The following CATSPERE variants were observed in gnomAD, a reference collection of about 807,000 sequenced individuals.
CATSPERE encodes catsper channel auxiliary subunit epsilon, also known as cation channel sperm-associated auxiliary subunit epsilon.
CATSPERE carries 93 observed loss-of-function variants against 114.1 expected under a neutral mutation model. The observed-to-expected ratio is 0.81, with a 90% CI of 0.69 to 0.97. CATSPERE has a LOEUF of 0.97. CATSPERE is among the 50% of genes least tolerant of loss of function. CATSPERE has a pLI of 0.00. For missense variants in CATSPERE, 1,058 were observed against 1,131.6 expected (o/e 0.93, Z 0.93); for synonymous variants, 341 against 384.1 (o/e 0.89, Z 1.31).
intron 10 of CATSPERE, among the ~76,000 whole-genome samples, chr1:244,563,259 T>A (rs1337279180): frequency 1.3e-5 from 2 of 152,250 alleles, no homozygotes; most frequent in Non-Finnish European, 2.9e-5. Flanking sequence ...GAATAATTTA[T>A]AATACTTTGG....
chr1:244,540,851 G>T (rs61844677), intron 8 of CATSPERE, among the ~76,000 whole-genome samples: 47,108 of 61,626 alleles, frequency 0.76, 19,010 homozygotes, highest in East Asian at 1. Flanking sequence ...AAATAACGCT[G>T]CATATCTACA....
chr1:244,471,686 A>G (rs1668500205), intron 2 of CATSPERE, among the ~76,000 whole-genome samples: 2 of 152,148 alleles, frequency 1.3e-5, no homozygotes, highest in South Asian at 4.1e-4. Context: ...GTGCTTTCAG[A>G]TTCATCCATA....
intron 12 of CATSPERE, among the ~76,000 whole-genome samples, chr1:244,583,355 G>C (rs1666524897): frequency 1.3e-5 from 2 of 152,126 alleles, no homozygotes; most frequent in Non-Finnish European, 2.9e-5. Flanking sequence ...CATTCTATCT[G>C]ACCTAGCTTT....
At chr1:244,591,809 G>GGAT (rs902443310) in intron 15 of CATSPERE, 78 bp downstream of exon 15, 1 of 874,152 alleles carries the variant, frequency 1.1e-6, no homozygotes, top group Non-Finnish European at 1.8e-6. Flanking sequence ...CTTATTCAGT[G>GGAT]GATTATTATT....
At chr1:244,595,219 T>A (rs1668228609) in intron 17 of CATSPERE, among the ~76,000 whole-genome samples, 1 of 152,244 alleles carries the variant, frequency 6.6e-6, no homozygotes, top group Admixed American at 6.5e-5. Context: ...AAGAGTCTGA[T>A]AGAGCAGATA....
intron 1 of CATSPERE, among the ~76,000 whole-genome samples, chr1:244,461,703 C>G (rs1666833233): frequency 6.6e-6 from 1 of 152,196 alleles, no homozygotes; most frequent in Non-Finnish European, 1.5e-5. Flanking sequence ...GCAGTTAGCA[C>G]TTTGCTACCC....
Position 244,572,792 on chromosome 1 carries a change from T to G in CATSPERE, c.1950+20T>G. Reference sequence around the variant, plus strand: ...ACTCTGGTAAGCTAATATTTTAAATTTCTTCATTTGATTTTAATAAGTATA... The same window carrying G: ...ACTCTGGTAAGCTAATATTTTAAATGTCTTCATTTGATTTTAATAAGTATA... On this transcript the variant is annotated intron_variant, in intron 11 of 21. Coordinates refer to ENST00000366534, the MANE Select transcript of CATSPERE (RefSeq NM_001130957.2). 2 of 1,480,818 alleles carry G rather than the reference T, an allele frequency of 1.4e-6. No homozygotes were observed. Among genetic ancestry groups the G allele is most frequent in the East Asian group, 2.3e-5 (1 of 43,540 alleles). 91.7% of individuals were successfully genotyped at this position (1,480,818 alleles called of 1,614,324 possible).
At chr1:244,528,651 ACT>A (rs1374510594) in intron 8 of CATSPERE, among the ~76,000 whole-genome samples, 1 of 151,830 alleles carries the variant, frequency 6.6e-6, no homozygotes, top group African/African-American at 2.4e-5. Context: ...GTCTAATTAT[ACT>A]CTTTTAGTTA....
intron 9 of CATSPERE, among the ~76,000 whole-genome samples, chr1:244,556,378 A>G (rs1467977356): frequency 6.6e-6 from 1 of 152,198 alleles, no homozygotes; most frequent in Non-Finnish European, 1.5e-5. Context: ...AGGATACAAT[A>G]GAAAATAAAA....
intron 2 of CATSPERE, among the ~76,000 whole-genome samples, chr1:244,467,885 T>C (rs1667850142): frequency 6.6e-6 from 1 of 152,182 alleles, no homozygotes; most frequent in East Asian, 1.9e-4. Context: ...CTTTATAATA[T>C]TCCATACCAG....
chr1:244,561,943 G>A (rs1303749949), intron 10 of CATSPERE, among the ~76,000 whole-genome samples: 1 of 152,008 alleles, frequency 6.6e-6, no homozygotes, highest in African/African-American at 2.4e-5. Flanking sequence ...CTTGACTCCA[G>A]GAGTTCGAGT....
intron 1 of CATSPERE, among the ~76,000 whole-genome samples, chr1:244,461,724 C>G (rs550108657): frequency 6.6e-6 from 1 of 152,270 alleles, no homozygotes; most frequent in African/African-American, 2.4e-5. Flanking sequence ...TGCTCCAGCT[C>G]CTGCAGTAAG....
At chr1:244,605,666 A>G (rs753238769) in intron 17 of CATSPERE, 29 bp from the exon 18 acceptor site, 3 of 1,444,204 alleles carry the variant, frequency 2.1e-6, no homozygotes, top group Non-Finnish European at 2.9e-6. Context: ...ATATTAAACT[A>G]GTATCTTTCT....
intron 21 of CATSPERE, among the ~76,000 whole-genome samples, chr1:244,637,333 C>T (rs561900567): frequency 4.1e-4 from 62 of 152,276 alleles, no homozygotes; most frequent in African/African-American, 1.4e-3. Flanking sequence ...TTCCTCTCCA[C>T]GTCAAGCCCC....
chr1:244,624,874 A>G (rs981280037), intron 20 of CATSPERE, among the ~76,000 whole-genome samples: 1 of 151,852 alleles, frequency 6.6e-6, no homozygotes, highest in Non-Finnish European at 1.5e-5. Context: ...TTCAAGTTTT[A>G]TCATGACATT....
chr1:244,555,965 G>A (rs1661510668), intron 9 of CATSPERE, among the ~76,000 whole-genome samples: 1 of 152,172 alleles, frequency 6.6e-6, no homozygotes, highest in African/African-American at 2.4e-5. Context: ...GCCAAGGCAG[G>A]AGGATTGCTA....
At chr1:244,606,427 C>G (rs1323759798) in intron 18 of CATSPERE, among the ~76,000 whole-genome samples, 2 of 151,400 alleles carry the variant, frequency 1.3e-5, no homozygotes, top group African/African-American at 4.8e-5. Flanking sequence ...TCTAATATTC[C>G]CCACAGATTT....
At chr1:244,470,896 T>C (rs965521324) in intron 2 of CATSPERE, among the ~76,000 whole-genome samples, 1 of 152,216 alleles carries the variant, frequency 6.6e-6, no homozygotes, top group Non-Finnish European at 1.5e-5. Flanking sequence ...TTATGCTAAG[T>C]GCAAGAAACC....
At chr1:244,614,838 T>C (rs190921835) in intron 19 of CATSPERE, among the ~76,000 whole-genome samples, 1 of 152,290 alleles carries the variant, frequency 6.6e-6, no homozygotes, top group East Asian at 1.9e-4. Context: ...ATTTTTACCA[T>C]GTAATATATG....
Sources: allele counts gnomAD v4.1 joint callset (sites outside exome capture counted in the v4.1 genomes callset), GRCh38; gene constraint gnomAD v4.1.1; transcripts MANE v1.5; gene names NCBI Gene and HGNC (gene_info 2026-07-23, HGNC 2026-07-21).